Variants in SUGCT observed in about 807,000 individuals in gnomAD.
The protein encoded by SUGCT is succinyl-CoA:glutarate-CoA transferase.
In SUGCT, 41 loss-of-function variants were observed where a neutral mutation model predicts 55.0. The ratio of observed to expected loss-of-function variants is 0.74; its 90% CI spans 0.58 to 0.97. The LOEUF is 0.97. SUGCT is among the 50% of genes least tolerant of loss of function. SUGCT has a pLI of 0.00. For missense variants in SUGCT, 568 were observed against 547.8 expected (o/e 1.04, Z -0.37); for synonymous variants, 187 against 200.4 (o/e 0.93, Z 0.56).
chr7:40,532,944 G>T (rs1794175564), intron 12 of SUGCT, among the ~76,000 whole-genome samples: 1 of 152,028 alleles, frequency 6.6e-6, no homozygotes, highest in Non-Finnish European at 1.5e-5. Flanking sequence ...AATTTTTATT[G>T]AGTTGCTTAA....
At chr7:40,781,643 G>A (rs1789756865) in intron 13 of SUGCT, among the ~76,000 whole-genome samples, 1 of 152,252 alleles carries the variant, frequency 6.6e-6, no homozygotes, top group Middle Eastern at 3.4e-3. Flanking sequence ...AATGAATAGA[G>A]TTTTTAAAAA....
At chr7:41,007,353 G>A in the SUGCT span, among the ~76,000 whole-genome samples, 1 of 152,110 alleles carries the variant, frequency 6.6e-6, no homozygotes. Flanking sequence ...TTTACAACAA[G>A]TCGAGGCCTC....
At chr7:40,361,756 G>T (rs1023289047) in intron 9 of SUGCT, among the ~76,000 whole-genome samples, 2 of 152,016 alleles carry the variant, frequency 1.3e-5, no homozygotes, top group African/African-American at 2.4e-5. Flanking sequence ...TACAGACTTG[G>T]GAGTCACTGG....
intron 12 of SUGCT, among the ~76,000 whole-genome samples, chr7:40,661,447 G>A (rs984893596): frequency 7.9e-5 from 12 of 151,988 alleles, no homozygotes; most frequent in African/African-American, 1.7e-4. Flanking sequence ...AATATAATTC[G>A]TCTTAAAATG....
chr7:40,177,256 C>T (rs1784971264), intron 1 of SUGCT, among the ~76,000 whole-genome samples: 1 of 152,160 alleles, frequency 6.6e-6, no homozygotes, highest in Non-Finnish European at 1.5e-5. Context: ...AGCTGGACCT[C>T]AAAGACTTAA....
At chr7:40,902,580 A>AAAG in the SUGCT span, among the ~76,000 whole-genome samples, 1 of 202 alleles carries the variant, frequency 5.0e-3, no homozygotes, top group African/African-American at 0.018. Context: ...ACTCCATCTC[A>AAAG]AAAAAAAAAA....
the SUGCT span, among the ~76,000 whole-genome samples, chr7:40,913,026 T>TC: frequency 6.7e-6 from 1 of 150,190 alleles, no homozygotes; most frequent in Non-Finnish European, 1.5e-5. Flanking sequence ...TTTTTTTTTT[T>TC]TTTGAGATGT....
chr7:40,156,070 T>C (rs1253671258), intron 1 of SUGCT, among the ~76,000 whole-genome samples: 2 of 152,036 alleles, frequency 1.3e-5, no homozygotes, highest in Non-Finnish European at 2.9e-5. Flanking sequence ...TTGGCCAGGC[T>C]GGTCTCGAAC....
chr7:40,448,948 G>A (rs538542192), intron 9 of SUGCT, among the ~76,000 whole-genome samples: 2,073 of 143,942 alleles, frequency 0.014, 41 homozygotes, highest in African/African-American at 0.054. Flanking sequence ...GTGTGTGTGT[G>A]TGTATATATA....
chr7:40,852,210 CAG>C (rs978622192), intron 13 of SUGCT, among the ~76,000 whole-genome samples: 5 of 152,180 alleles, frequency 3.3e-5, no homozygotes, highest in African/African-American at 1.2e-4. Context: ...CCCAGAAACT[CAG>C]TATTCTTCTT....
At chr7:40,293,092 A>C (rs574152375) in intron 8 of SUGCT, among the ~76,000 whole-genome samples, 1 of 152,258 alleles carries the variant, frequency 6.6e-6, no homozygotes, top group South Asian at 2.1e-4. Flanking sequence ...AAAAGTGTTG[A>C]AAACTTTTTT....
intron 12 of SUGCT, among the ~76,000 whole-genome samples, chr7:40,573,843 T>C (rs1339436405): frequency 6.6e-6 from 1 of 152,204 alleles, no homozygotes; most frequent in Non-Finnish European, 1.5e-5. Flanking sequence ...ACTTCCTGGC[T>C]CTCTTTCCTC....
chr7:40,243,122 A>G (rs1476062569), intron 7 of SUGCT, among the ~76,000 whole-genome samples: 2 of 147,990 alleles, frequency 1.4e-5, no homozygotes, highest in African/African-American at 5.0e-5. Flanking sequence ...TCTCTCTATC[A>G]TCTGTTTATC....
At chr7:40,894,082 A>G in the SUGCT span, among the ~76,000 whole-genome samples, 2 of 151,774 alleles carry the variant, frequency 1.3e-5, no homozygotes, top group African/African-American at 2.4e-5. Context: ...GCTATACTAC[A>G]AGGTTAAGTT....
At chr7:40,430,157 A>G (rs1420070316) in intron 9 of SUGCT, among the ~76,000 whole-genome samples, 1 of 152,134 alleles carries the variant, frequency 6.6e-6, no homozygotes, top group African/African-American at 2.4e-5. Flanking sequence ...CAAGATGGTG[A>G]TTTCATTTCC....
At chr7:40,680,219 G>A (rs899734570) in intron 12 of SUGCT, among the ~76,000 whole-genome samples, 1 of 152,112 alleles carries the variant, frequency 6.6e-6, no homozygotes, top group Non-Finnish European at 1.5e-5. Flanking sequence ...GTAATAGATG[G>A]ATTTCTTTTA....
chr7:40,651,315 G>T (rs1014338303), intron 12 of SUGCT, among the ~76,000 whole-genome samples: 2 of 152,106 alleles, frequency 1.3e-5, no homozygotes, highest in Middle Eastern at 3.4e-3. Context: ...TTTCATTGTG[G>T]TTTTAATTTG....
At chr7:40,871,109 A>C in the SUGCT span, among the ~76,000 whole-genome samples, 1 of 152,204 alleles carries the variant, frequency 6.6e-6, no homozygotes, top group Non-Finnish European at 1.5e-5. Flanking sequence ...TAGACGTGCT[A>C]ATTGTTACTG....
intron 12 of SUGCT, among the ~76,000 whole-genome samples, chr7:40,664,994 A>G (rs1306647206): frequency 6.6e-6 from 1 of 151,968 alleles, no homozygotes. Flanking sequence ...AAAAAAAAAA[A>G]AAATCTTTTT....
Sources: allele counts gnomAD v4.1 joint callset (sites outside exome capture counted in the v4.1 genomes callset), GRCh38; gene constraint gnomAD v4.1.1; transcripts MANE v1.5; gene names NCBI Gene and HGNC (gene_info 2026-07-23, HGNC 2026-07-21).